The following CSMD1 variants were observed in gnomAD, a reference collection of about 807,000 sequenced individuals.
CSMD1 encodes the protein CUB and sushi domain-containing protein 1.
CSMD1 carries 213 observed loss-of-function variants against 417.5 expected under a neutral mutation model. The ratio of observed to expected loss-of-function variants is 0.51; its 90% CI spans 0.46 to 0.57. CSMD1 has a LOEUF of 0.57. CSMD1 is among the 20% of genes least tolerant of loss of function. The pLI is 0.00. For synonymous variants in CSMD1, 2,862 were observed against 1,736.8 expected (o/e 1.65, Z -16.11); for missense variants, 6,923 against 4,529.7 (o/e 1.53, Z -15.17).
At chr8:4,618,696 G>C (rs1266598918) in intron 2 of CSMD1, among the ~76,000 whole-genome samples, 2 of 152,048 alleles carry the variant, frequency 1.3e-5, no homozygotes, top group African/African-American at 4.8e-5. Flanking sequence ...TAAAATATTA[G>C]ATCCAAAACG....
At chr8:3,947,028 T>G (rs753645319) in intron 5 of CSMD1, among the ~76,000 whole-genome samples, 33 of 152,286 alleles carry the variant, frequency 2.2e-4, no homozygotes, top group Non-Finnish European at 4.0e-4. Flanking sequence ...TGTCTGTATT[T>G]TTCTTGTTCA....
At chr8:4,008,418 T>A (rs1816294966) in intron 4 of CSMD1, among the ~76,000 whole-genome samples, 1 of 151,626 alleles carries the variant, frequency 6.6e-6, no homozygotes, top group Non-Finnish European at 1.5e-5. Context: ...TATATAATTT[T>A]TTTTTATTTG....
intron 50 of CSMD1, among the ~76,000 whole-genome samples, chr8:3,048,756 C>G (rs1382191680): frequency 1.3e-5 from 2 of 151,398 alleles, no homozygotes; most frequent in East Asian, 1.9e-4. Context: ...AATTAAAGTC[C>G]TCAGCTCTGC....
intron 3 of CSMD1, among the ~76,000 whole-genome samples, chr8:4,324,853 C>G (rs1349191684): frequency 6.6e-6 from 1 of 152,186 alleles, no homozygotes. Flanking sequence ...GGAGGGACTC[C>G]CATCCCAGCA....
chr8:3,345,680 G>T (rs368853101), intron 22 of CSMD1, among the ~76,000 whole-genome samples: 2 of 152,152 alleles, frequency 1.3e-5, no homozygotes, highest in African/African-American at 4.8e-5. Flanking sequence ...ATACAAGCCT[G>T]TAAGTATCTG....
rs1467170128 is a variant in CSMD1, at chr8:3,190,006, G to C, written c.5304C>G (p.Asn1768Lys). Residue 1768 changes from asparagine (N) to lysine (K), a missense_variant, in exon 34 of 70, where the codon AAC (asparagine) becomes AAG (lysine). Transcript: ENST00000635120. Reference sequence around the variant, plus strand: ...TGGAACCCTGAAGCAGGTATCCCGGGTTGCACTCGAATCGGACGATGGAGC... The same window carrying C: ...TGGAACCCTGAAGCAGGTATCCCGGCTTGCACTCGAATCGGACGATGGAGC... ...SAGSIVRFECNPGYLLQGSTA... is the reference protein window; with the variant it reads ...SAGSIVRFECKPGYLLQGSTA... 3 of 1,598,814 alleles carry C rather than the reference G, an allele frequency of 1.9e-6. No individual in the cohort carries two copies. Among genetic ancestry groups the C allele is most frequent in the Admixed American group, 3.5e-5 (2 of 57,812 alleles).
At chr8:3,880,979 G>C (rs1806167635) in intron 5 of CSMD1, among the ~76,000 whole-genome samples, 1 of 151,990 alleles carries the variant, frequency 6.6e-6, no homozygotes, top group Non-Finnish European at 1.5e-5. Context: ...TTAAGTACTA[G>C]CAAAGGCAAA....
chr8:3,869,431 T>C (rs1050698405), intron 5 of CSMD1, among the ~76,000 whole-genome samples: 8 of 152,208 alleles, frequency 5.3e-5, no homozygotes, highest in Non-Finnish European at 1.0e-4. Flanking sequence ...TCCAATCCTG[T>C]CCTGCCTTCA....
Position 4,486,154 on chromosome 8 carries a change from T to C in CSMD1, c.303-66089A>G, listed in dbSNP as rs1307745312. Among the ~76,000 whole-genome samples, 200 of 23,466 alleles carry C rather than the reference T, an allele frequency of 8.5e-3. 2 individuals are homozygous for C. The highest frequency in any genetic ancestry group is 0.029 in the African/African-American group (185 of 6,472). The allele number at this position is 23,466 out of a possible 152,430, so 15.4% of individuals were successfully genotyped here. On this transcript the variant is annotated intron_variant, in intron 2 of 69. Coordinates refer to ENST00000635120, the MANE Select transcript of CSMD1 (RefSeq NM_033225.6). ...ATATATATACATACATATATATATA[T>C]ATACATACATATATATATATACATA...
At chr8:4,318,279 G>A (rs10097012) in intron 3 of CSMD1, among the ~76,000 whole-genome samples, 106,360 of 152,002 alleles carry the variant, frequency 0.7, 40,317 homozygotes, top group East Asian at 0.99. Context: ...CTTAATTAAA[G>A]TTTTTACTTT....
intron 3 of CSMD1, among the ~76,000 whole-genome samples, chr8:4,217,181 T>C (rs1382985254): frequency 2.6e-5 from 4 of 152,324 alleles, no homozygotes; most frequent in African/African-American, 9.6e-5. Context: ...TTCATGCCGC[T>C]GCTTATCATG....
At chr8:4,200,527 A>G (rs1008590935) in intron 3 of CSMD1, among the ~76,000 whole-genome samples, 1 of 152,208 alleles carries the variant, frequency 6.6e-6, no homozygotes. Context: ...TTAGAAATGT[A>G]TATTAATATA....
intron 50 of CSMD1, among the ~76,000 whole-genome samples, chr8:3,035,759 T>C (rs1311264315): frequency 6.8e-6 from 1 of 147,932 alleles, no homozygotes; most frequent in Non-Finnish European, 1.5e-5. Context: ...TTTTGTAAAA[T>C]TAAATGTTTT....
rs558532918 is a variant in CSMD1, at chr8:4,285,220, T to A, written c.415+134733A>T. ...AGTGTGTTAAAATTCAAACTGCTTG[T>A]ATACAATCCGGTTTCATCATACAGC... On this transcript the variant is annotated intron_variant, in intron 3 of 69. Coordinates refer to ENST00000635120, the MANE Select transcript of CSMD1 (RefSeq NM_033225.6). Among the ~76,000 whole-genome samples the A allele has an allele frequency of 2.3e-3, 353 of 152,334 alleles. 2 individuals carry two copies. Among genetic ancestry groups the A allele is most frequent in the African/African-American group, 8.2e-3 (339 of 41,586 alleles).
rs551660397 is a variant in CSMD1 at position 3,704,013 on chromosome 8, G to C, written c.1009+4401C>G. ...ATGAACCCGGGAGGTAGAGGTTTCA[G>C]TGAGCTGAGATCCTGCCACTGCACT... On this transcript the variant is annotated intron_variant, in intron 7 of 69. Coordinates refer to ENST00000635120, the MANE Select transcript of CSMD1 (RefSeq NM_033225.6). Among the ~76,000 whole-genome samples the C allele has an allele frequency of 4.3e-4, 65 of 152,282 alleles. 1 individual carries two copies. In the South Asian group the frequency reaches 0.013, roughly 31 times the overall value.
chr8:3,599,201 T>C (rs758390141), intron 8 of CSMD1, among the ~76,000 whole-genome samples: 1 of 151,726 alleles, frequency 6.6e-6, no homozygotes, highest in Non-Finnish European at 1.5e-5. Flanking sequence ...ATACTGTATA[T>C]ATTTAAAGGT....
intron 3 of CSMD1, among the ~76,000 whole-genome samples, chr8:4,054,382 G>A (rs191278663): frequency 1.6e-4 from 25 of 152,242 alleles, no homozygotes; most frequent in Admixed American, 1.6e-3. Flanking sequence ...TATAGGGGAT[G>A]GCCGCCCGAG....
intron 3 of CSMD1, among the ~76,000 whole-genome samples, chr8:4,036,996 T>TGTGA (rs1563347527): frequency 1.4e-5 from 2 of 144,968 alleles, no homozygotes; most frequent in East Asian, 2.0e-4. Flanking sequence ...TGTGTGTGTG[T>TGTGA]GATCCTGCCA....
chr8:4,316,593 C>G (rs1798948092), intron 3 of CSMD1, among the ~76,000 whole-genome samples: 1 of 152,056 alleles, frequency 6.6e-6, no homozygotes, highest in Admixed American at 6.6e-5. Context: ...AGTCCTAAGA[C>G]TTGGTGTAGA....
Sources: allele counts gnomAD v4.1 joint callset (sites outside exome capture counted in the v4.1 genomes callset), GRCh38; gene constraint gnomAD v4.1.1; transcripts MANE v1.5; gene names NCBI Gene and HGNC (gene_info 2026-07-23, HGNC 2026-07-21).